Variants in GMEB1 observed in about 807,000 individuals in gnomAD.
The protein encoded by GMEB1 is glucocorticoid modulatory element binding protein 1.
A neutral mutation model predicts 52.4 loss-of-function variants in GMEB1; 6 were observed. The ratio of observed to expected loss-of-function variants is 0.11; its 90% confidence interval spans 0.06 to 0.23. GMEB1 has a LOEUF of 0.23. Ranked by LOEUF, GMEB1 falls within the 10% of genes least tolerant of loss-of-function variation. The probability of loss-of-function intolerance (pLI) is 1.00; values close to 1 mark genes in which losing one functional copy is unlikely to be tolerated. For missense variants in GMEB1, 486 were observed against 685.6 expected (o/e 0.71, Z 3.25); for synonymous variants, 255 against 244.9 (o/e 1.04, Z -0.38).
chr1:28,706,995 T>A (rs1011273437), intron 8 of GMEB1, among the ~76,000 whole-genome samples: 1 of 137,790 alleles, frequency 7.3e-6, no homozygotes, highest in Admixed American at 7.3e-5. Context: ...TTTTTTTTTT[T>A]TTTTTTTGAG....
intron 2 of GMEB1, among the ~76,000 whole-genome samples, chr1:28,689,078 C>T (rs766101803): frequency 6.6e-6 from 1 of 151,670 alleles, no homozygotes; most frequent in African/African-American, 2.4e-5. Context: ...TTAGTAGAGA[C>T]GGGGTTTCAC....
intron 1 of GMEB1, 111 bp downstream of exon 1, chr1:28,668,950 G>T (rs916756896): frequency 2.8e-5 from 4 of 145,304 alleles, no homozygotes; most frequent in African/African-American, 9.8e-5. Flanking sequence ...CAGGGGGCGG[G>T]GGGCTGCTGC....
intron 2 of GMEB1, among the ~76,000 whole-genome samples, chr1:28,687,334 TCACACACACACA>T (rs1161076315): frequency 1.8e-5 from 1 of 54,086 alleles, no homozygotes; most frequent in African/African-American, 7.2e-5. Flanking sequence ...AGACCCTATC[TCACACACACACA>T]CACACACACA....
Position 28,707,836 on chromosome 1 carries a change from ACT to A in GMEB1, c.869-2683_869-2682del, listed in dbSNP as rs1297917053. Among the ~76,000 whole-genome samples, 4 of 152,178 alleles carry A rather than the reference ACT, an allele frequency of 2.6e-5. No homozygotes were observed. In the East Asian group the frequency reaches 7.7e-4, roughly 29 times the overall value. On this transcript the variant is annotated intron_variant, in intron 8 of 9. Coordinates refer to ENST00000373816, the MANE Select transcript of GMEB1 (RefSeq NM_001319674.2). ...TCAAACCATGGGACCAAGTGAGGTGACTGTGGAAGGGAATGTAGGTGAGGTTG... is the reference window on the plus strand; with the variant it reads ...TCAAACCATGGGACCAAGTGAGGTGAGTGGAAGGGAATGTAGGTGAGGTTG...
In GMEB1 at chr1:28,702,675, A is replaced by G. The variant is rs1570426113; in HGVS notation, c.730+106A>G. 9.7e-6 allele frequency: 9 copies of G among 932,564 alleles called. No homozygotes were observed. The East Asian group carries it at 1.3e-4, about 13-fold the overall frequency. 57.8% of individuals were successfully genotyped at this position (932,564 alleles called of 1,614,324 possible). A position where few individuals can be genotyped will look rare whatever the true frequency, so the allele number is the denominator to read the frequency against. ...TTAATTACTTTCGCTGGATTTTCTC[A>G]TGCACGTAAATACTAACTATAGCTA... On this transcript the variant is annotated intron_variant, in intron 7 of 9. Coordinates refer to ENST00000373816, the MANE Select transcript of GMEB1 (RefSeq NM_001319674.2).
Position 28,718,164 on chromosome 1 carries a change from A to G in GMEB1, c.*3391A>G, listed in dbSNP as rs1671319375. The G allele has an allele frequency of 6.6e-6, 1 of 152,190 alleles. No homozygotes were observed. The highest frequency in any genetic ancestry group is 6.6e-5 in the Admixed American group (1 of 15,258). 9.4% of individuals were successfully genotyped at this position (152,190 alleles called of 1,614,324 possible). ...ACCTTAGGCTGACTTGGTAGTAGGCATTTGTCTTTCTGTTCATGCATTGAA... is the reference window on the plus strand; with the variant it reads ...ACCTTAGGCTGACTTGGTAGTAGGCGTTTGTCTTTCTGTTCATGCATTGAA... On this transcript the variant is annotated 3_prime_UTR_variant, in exon 10 of 10. Transcript: ENST00000373816.
In GMEB1 at chr1:28,714,808, T is replaced by A; in HGVS notation, c.*35T>A. 7.2e-7 allele frequency: 1 copy of A among 1,394,578 alleles called. No individual in the cohort carries two copies. Among genetic ancestry groups the A allele is most frequent in the Non-Finnish European group, 1.0e-6 (1 of 1,000,884 alleles). 86.4% of individuals were successfully genotyped at this position (1,394,578 alleles called of 1,614,324 possible). On this transcript the variant is annotated 3_prime_UTR_variant, in exon 10 of 10. Transcript: ENST00000373816. ...TCAGGGCCAGGAGTTATGTTTTGATTTGGAATTTTAATTATTTGTTTATTT... is the reference window on the plus strand; with the variant it reads ...TCAGGGCCAGGAGTTATGTTTTGATATGGAATTTTAATTATTTGTTTATTT...
chr1:28,687,379 C>CAAAAAAAAAAAAAAAAAAAA (rs1399256461), intron 2 of GMEB1, among the ~76,000 whole-genome samples: 1 of 16,378 alleles, frequency 6.1e-5, no homozygotes, highest in African/African-American at 1.6e-4. Context: ...CACACACACA[C>CAAAAAAAAAAAAAAAAAAAA]ACACACACAA....
intron 1 of GMEB1, among the ~76,000 whole-genome samples, chr1:28,673,053 G>A (rs184896432): frequency 1.3e-5 from 2 of 151,988 alleles, no homozygotes; most frequent in African/African-American, 4.8e-5. Context: ...GTGCCACTAC[G>A]CCCGGCTAAT....
intron 1 of GMEB1, among the ~76,000 whole-genome samples, chr1:28,672,203 T>G (rs1668920958): frequency 1.6e-5 from 1 of 63,090 alleles, no homozygotes; most frequent in African/African-American, 3.4e-5. Flanking sequence ...TTATTTTTAT[T>G]TATTTATTTA....
intron 2 of GMEB1, among the ~76,000 whole-genome samples, chr1:28,688,994 T>C (rs1196283877): frequency 6.6e-6 from 1 of 151,178 alleles, no homozygotes; most frequent in Non-Finnish European, 1.5e-5. Flanking sequence ...CGGGTTCAAG[T>C]GATTCTCCTG....
At chr1:28,686,571 G>A (rs1262228569) in intron 2 of GMEB1, among the ~76,000 whole-genome samples, 1 of 148,526 alleles carries the variant, frequency 6.7e-6, no homozygotes, top group Non-Finnish European at 1.5e-5. Flanking sequence ...GGAGGTTGCA[G>A]TGAGCCGAGA....
intron 1 of GMEB1, among the ~76,000 whole-genome samples, chr1:28,671,196 G>A (rs937347159): frequency 6.6e-6 from 1 of 152,164 alleles, no homozygotes; most frequent in African/African-American, 2.4e-5. Flanking sequence ...TTGGCCTCAA[G>A]TAATAATAAA....
Position 28,715,004 on chromosome 1 carries a change from C to T in GMEB1, c.*231C>T, listed in dbSNP as rs1312343303. ...GTAGGTCATTCAATGTCCTAATCATCTTACACCAAGAAAGTAATTTCTTTT... is the reference window on the plus strand; with the variant it reads ...GTAGGTCATTCAATGTCCTAATCATTTTACACCAAGAAAGTAATTTCTTTT... On this transcript the variant is annotated 3_prime_UTR_variant, in exon 10 of 10. Coordinates refer to ENST00000373816, the MANE Select transcript of GMEB1 (RefSeq NM_001319674.2). The T allele has an allele frequency of 2.0e-6, 1 of 491,772 alleles. No individual in the cohort carries two copies. Among genetic ancestry groups the T allele is most frequent in the Non-Finnish European group, 3.6e-6 (1 of 276,574 alleles). 30.5% of individuals were successfully genotyped at this position (491,772 alleles called of 1,614,324 possible).
At position 28,719,164 on chromosome 1, in the gene GMEB1, C is replaced by T. The variant is rs1227781672; in HGVS notation, c.*4391C>T. 1 of 152,248 alleles carries T rather than the reference C, an allele frequency of 6.6e-6. No individual in the cohort carries two copies. Among genetic ancestry groups the T allele is most frequent in the Non-Finnish European group, 1.5e-5 (1 of 68,080 alleles). The allele number at this position is 152,248 out of a possible 1,614,324, so 9.4% of individuals were successfully genotyped here. A position where few individuals can be genotyped will look rare whatever the true frequency, so the allele number is the denominator to read the frequency against. On this transcript the variant is annotated 3_prime_UTR_variant, in exon 10 of 10. Transcript: ENST00000373816. ...TGGCAAAGGGTAAATGCCCCCAAAG[C>T]CTTCCTGCCATATGGTTTCCACGAA...
At chr1:28,678,857 G>T (rs1343606706) in intron 1 of GMEB1, among the ~76,000 whole-genome samples, 1 of 152,050 alleles carries the variant, frequency 6.6e-6, no homozygotes, top group East Asian at 1.9e-4. Context: ...AAAGTGCTAG[G>T]TATCAGCCAC....
Position 28,714,656 on chromosome 1 carries a change from T to C in GMEB1, c.1575T>C (p.Thr525=). 6.2e-7 allele frequency: 1 copy of C among 1,614,088 alleles called. No individual in the cohort carries two copies. The highest frequency in any genetic ancestry group is 8.5e-7 in the Non-Finnish European group (1 of 1,180,022). The change falls in exon 10 of 10, where the codon ACT becomes ACC. Residue 525 remains threonine (T), a synonymous_variant. Transcript: ENST00000373816. ...CCCCGGACCCAGAAGCTGAAGATAC[T>C]GAGGGCAAAGCAGTCATCTTGGAGA... ...DPAPDPEAED[T]EGKAVILETE...
In GMEB1 at chr1:28,704,609, T is replaced by A. The variant is rs75802082; in HGVS notation, c.868+280T>A. Among the ~76,000 whole-genome samples, 182 of 145,476 alleles carry A rather than the reference T, an allele frequency of 1.3e-3. 1 individual carries two copies. The highest frequency in any genetic ancestry group is 6.5e-3 in the South Asian group (30 of 4,608). ...AGATGCTTTGTCTCCACAAAAAAAA[T>A]TTTTTTTTTTTTTTGAGACGGAGTC... On this transcript the variant is annotated intron_variant, in intron 8 of 9. Coordinates refer to ENST00000373816, the MANE Select transcript of GMEB1 (RefSeq NM_001319674.2).
chr1:28,695,938 C>CAAAA lies in GMEB1; in HGVS notation c.441-956_441-953dup, dbSNP rs58978972. Among the ~76,000 whole-genome samples, 23 of 41,054 alleles carry CAAAA rather than the reference C, an allele frequency of 5.6e-4. 4 individuals are homozygous for CAAAA. The highest frequency in any genetic ancestry group is 3.2e-3 in the East Asian group (5 of 1,570). 26.9% of individuals were successfully genotyped at this position (41,054 alleles called of 152,430 possible). ...TGGGCGACAGAGCGAGACTCCGTCT[C>CAAAA]AAAAAAAAAAAAAAAAAAAAAAAAA... On this transcript the variant is annotated intron_variant, in intron 5 of 9. Transcript: ENST00000373816.
Sources: gnomAD v4.1 joint callset for allele counts (sites outside exome capture counted in the v4.1 genomes callset) on GRCh38, gnomAD v4.1.1 for gene constraint, MANE v1.5 for transcripts, NCBI Gene and HGNC (gene_info 2026-07-23, HGNC 2026-07-21) for gene names.